PHF20: variants seen among roughly 807,000 people sequenced by gnomAD.
PHF20 encodes the protein PHD finger protein 20, also known as glioma-expressed antigen 2.
Under a neutral mutation model 113.5 loss-of-function variants are expected in PHF20, and 23 were observed. The ratio of observed to expected loss-of-function variants is 0.20; its 90% CI spans 0.15 to 0.29. PHF20 has a LOEUF of 0.29. Among genes scored for constraint, PHF20 ranks in the 10% least tolerant of loss-of-function variants. The probability of loss-of-function intolerance (pLI) is 1.00; values close to 1 mark genes in which losing one functional copy is unlikely to be tolerated. For missense variants in PHF20, 943 were observed against 1,219.6 expected (o/e 0.77, Z 3.38); for synonymous variants, 434 against 457.3 (o/e 0.95, Z 0.65).
chr20:35,780,523 G>A (rs966256447), intron 1 of PHF20, among the ~76,000 whole-genome samples: 2 of 148,222 alleles, frequency 1.3e-5, no homozygotes, highest in Admixed American at 6.9e-5. Flanking sequence ...ACCATGCCTG[G>A]CTCATTCTTT....
intron 2 of PHF20, among the ~76,000 whole-genome samples, chr20:35,837,129 C>T (rs1008220120): frequency 4.6e-5 from 7 of 152,220 alleles, no homozygotes; most frequent in South Asian, 2.1e-4. Flanking sequence ...GTGGAGATTG[C>T]ACCACTGTAC....
chr20:35,781,155 T>G (rs1006087049), intron 1 of PHF20, among the ~76,000 whole-genome samples: 1 of 151,104 alleles, frequency 6.6e-6, no homozygotes, highest in African/African-American at 2.4e-5. Context: ...TTCTTTTTTT[T>G]TTTTCTGAGA....
chr20:35,809,235 A>G (rs2041935613), intron 2 of PHF20, among the ~76,000 whole-genome samples: 1 of 151,768 alleles, frequency 6.6e-6, no homozygotes. Context: ...GCGACAGAGC[A>G]AAGCTCTGTC....
intron 9 of PHF20, 30 bp from the exon 10 acceptor site, chr20:35,899,340 A>T: frequency 6.4e-7 from 1 of 1,568,000 alleles, no homozygotes; most frequent in Non-Finnish European, 8.7e-7. Flanking sequence ...AAATACAAGG[A>T]ACCTTTGCTT....
chr20:35,873,522 GC>G (rs953455449), intron 9 of PHF20, among the ~76,000 whole-genome samples: 22 of 142,992 alleles, frequency 1.5e-4, no homozygotes, highest in African/African-American at 5.2e-4. Flanking sequence ...AGGCTGGAGT[GC>G]AGTGGTGCGA....
In PHF20 at chr20:35,816,400, A is replaced by G. The variant is rs377203784; in HGVS notation, c.83+14795A>G. On this transcript the variant is annotated intron_variant, in intron 2 of 17. Transcript: ENST00000374012. ...GGATTTTTTGACATTTGAAAAATGT[A>G]TATCTTACTCAGGACAAATTATATT... 7.4e-4 allele frequency among the ~76,000 whole-genome samples: 113 copies of G among 152,142 alleles called. 1 individual carries two copies. In the East Asian group the frequency reaches 0.016, roughly 22 times the overall value.
chr20:35,839,172 C>T (rs367970515), intron 2 of PHF20, among the ~76,000 whole-genome samples: 2 of 151,730 alleles, frequency 1.3e-5, no homozygotes, highest in African/African-American at 4.8e-5. Context: ...GGGCGGATCA[C>T]GAGATCAGGA....
At chr20:35,864,260 G>T (rs2054272124) in intron 6 of PHF20, among the ~76,000 whole-genome samples, 1 of 152,186 alleles carries the variant, frequency 6.6e-6, no homozygotes, top group Non-Finnish European at 1.5e-5. Context: ...AATAGCTGCA[G>T]TGGATACATT....
rs570598648 is a variant in PHF20 at position 35,893,514 on chromosome 20, G to A, written c.1283-5856G>A. ...AGACGGGGTTTTGCCATGTTGGCCA[G>A]GCTTGTCTTGAACTCCTTACCTCAA... On this transcript the variant is annotated intron_variant, in intron 9 of 17. Transcript: ENST00000374012. Among the ~76,000 whole-genome samples the A allele has an allele frequency of 5.3e-5, 8 of 152,184 alleles. No individual in the cohort carries two copies. In the South Asian group the frequency reaches 1.7e-3, roughly 32 times the overall value.
chr20:35,786,057 A>AC (rs1451989766), intron 1 of PHF20, among the ~76,000 whole-genome samples: 61 of 149,258 alleles, frequency 4.1e-4, no homozygotes, highest in East Asian at 1.2e-3. Flanking sequence ...AAAAAAAAAA[A>AC]CAAATCTTGT....
intron 2 of PHF20, chr20:35,801,819 G>C (rs968954469): frequency 1.9e-5 from 7 of 371,244 alleles, no homozygotes; most frequent in Admixed American, 4.3e-5. Context: ...TCCCCCTTTT[G>C]CCTGTTCATC....
intron 7 of PHF20, 113 bp from the exon 8 acceptor site, chr20:35,870,842 C>T: frequency 1.5e-6 from 1 of 669,350 alleles, no homozygotes. Context: ...CTCTAACATT[C>T]CAGTAGTCTC....
At chr20:35,904,738 C>G (rs1006148834) in intron 10 of PHF20, among the ~76,000 whole-genome samples, 51 of 140,320 alleles carry the variant, frequency 3.6e-4, no homozygotes, top group African/African-American at 1.3e-3. Context: ...TGATCTCAGG[C>G]AGGTCTCTTC....
At chr20:35,850,836 T>TG in intron 4 of PHF20, 1 of 1,157,130 alleles carries the variant, frequency 8.6e-7, no homozygotes, top group Non-Finnish European at 1.3e-6. Flanking sequence ...TGTATGTTTC[T>TG]GGTGGCTCTG....
intron 4 of PHF20, among the ~76,000 whole-genome samples, chr20:35,848,747 C>T (rs753817323): frequency 2.6e-5 from 4 of 151,454 alleles, no homozygotes; most frequent in Admixed American, 6.6e-5. Flanking sequence ...GTCCTAGCTA[C>T]TCGCATGGCT....
chr20:35,857,608 T>TCTTG (rs2042860953), intron 4 of PHF20, among the ~76,000 whole-genome samples: 1 of 130,996 alleles, frequency 7.6e-6, no homozygotes, highest in Non-Finnish European at 1.6e-5. Flanking sequence ...GGAGAAGGAG[T>TCTTG]CTTGCTCTGT....
At chr20:35,819,231 C>T (rs1156396519) in intron 2 of PHF20, among the ~76,000 whole-genome samples, 2 of 152,100 alleles carry the variant, frequency 1.3e-5, no homozygotes, top group African/African-American at 4.8e-5. Context: ...GTGCCCAGCC[C>T]TGCCTTCCCT....
intron 10 of PHF20, among the ~76,000 whole-genome samples, chr20:35,902,773 A>G (rs1407596087): frequency 1.3e-5 from 2 of 152,238 alleles, no homozygotes; most frequent in Non-Finnish European, 2.9e-5. Flanking sequence ...AAATAGAGAT[A>G]ATAGTACTAC....
At chr20:35,778,064 T>A (rs1243483535) in intron 1 of PHF20, among the ~76,000 whole-genome samples, 1 of 152,150 alleles carries the variant, frequency 6.6e-6, no homozygotes, top group East Asian at 1.9e-4. Flanking sequence ...TTTTTCTTGA[T>A]AAAGTCTTTT....
Sources: gnomAD v4.1 joint callset for allele counts (sites outside exome capture counted in the v4.1 genomes callset) on GRCh38, gnomAD v4.1.1 for gene constraint, MANE v1.5 for transcripts, NCBI Gene and HGNC (gene_info 2026-07-23, HGNC 2026-07-21) for gene names.